SLC25A26: variants seen among roughly 807,000 people sequenced by gnomAD.
SLC25A26 encodes the protein solute carrier family 25 member 26.
In SLC25A26, 36 loss-of-function variants were observed where a neutral mutation model predicts 37.8. The observed-to-expected ratio is 0.95, with a 90% CI of 0.73 to 1.26. SLC25A26 has a LOEUF of 1.26. SLC25A26 is among the 50% of genes most tolerant of loss of function. SLC25A26 has a pLI of 0.00. For missense variants in SLC25A26, 390 were observed against 331.1 expected (o/e 1.18, Z -1.38); for synonymous variants, 129 against 122.5 (o/e 1.05, Z -0.35).
At chr3:66,326,535 A>G (rs569075089) in intron 5 of SLC25A26, among the ~76,000 whole-genome samples, 1 of 152,202 alleles carries the variant, frequency 6.6e-6, no homozygotes, top group Non-Finnish European at 1.5e-5. Context: ...AGAGGCAGTG[A>G]GTGGAATCTC....
intron 5 of SLC25A26, among the ~76,000 whole-genome samples, chr3:66,311,597 T>C (rs1028833416): frequency 3.3e-5 from 5 of 152,242 alleles, no homozygotes; most frequent in African/African-American, 1.2e-4. Context: ...TCAGCCTTTT[T>C]TTGGTGGTTT....
exon 1 of SLC25A26, chr3:66,133,930 C>G (rs146424658): frequency 6.6e-6 from 1 of 152,088 alleles, no homozygotes; most frequent in Non-Finnish European, 1.5e-5. Flanking sequence ...AATGAAAATG[C>G]GTACTACATA....
chr3:66,263,996 C>T (rs936391054), intron 5 of SLC25A26, among the ~76,000 whole-genome samples: 2 of 151,028 alleles, frequency 1.3e-5, no homozygotes, highest in African/African-American at 4.9e-5. Context: ...GAAGTAACTT[C>T]GGGTCAGGCG....
chr3:66,205,934 G>A (rs1292246617), intron 1 of SLC25A26, among the ~76,000 whole-genome samples: 1 of 152,112 alleles, frequency 6.6e-6, no homozygotes, highest in Non-Finnish European at 1.5e-5. Flanking sequence ...AAAAAAGTGA[G>A]GCAGAAAAAG....
At chr3:66,322,372 T>C (rs899561351) in intron 5 of SLC25A26, among the ~76,000 whole-genome samples, 2 of 152,238 alleles carry the variant, frequency 1.3e-5, no homozygotes, top group African/African-American at 4.8e-5. Flanking sequence ...GAGATTCATA[T>C]TTTCTAGTTT....
At chr3:66,242,122 A>G (rs142788808) in intron 2 of SLC25A26, among the ~76,000 whole-genome samples, 10,754 of 152,192 alleles carry the variant, frequency 0.071, 511 homozygotes, top group African/African-American at 0.12. Context: ...AAGAAGCCAT[A>G]AAGTCAGATG....
chr3:66,292,016 G>A (rs1373313372), intron 5 of SLC25A26, among the ~76,000 whole-genome samples: 2 of 138,576 alleles, frequency 1.4e-5, no homozygotes, highest in African/African-American at 3.5e-5. Context: ...AGGATAGTTA[G>A]CTCTTCTTGT....
At chr3:66,230,218 C>G (rs886541697) in intron 1 of SLC25A26, among the ~76,000 whole-genome samples, 1 of 152,120 alleles carries the variant, frequency 6.6e-6, no homozygotes, top group Non-Finnish European at 1.5e-5. Flanking sequence ...TCTGAAGGAT[C>G]TAAACGTCAG....
chr3:66,299,909 A>G lies in SLC25A26; in HGVS notation c.453+36530A>G, dbSNP rs79385248. Among the ~76,000 whole-genome samples the G allele has an allele frequency of 3.0e-3, 463 of 152,290 alleles. 3 individuals carry two copies. The highest frequency in any genetic ancestry group is 0.017 in the East Asian group (89 of 5,180). On this transcript the variant is annotated intron_variant, in intron 5 of 9. Coordinates refer to ENST00000354883, the MANE Select transcript of SLC25A26 (RefSeq NM_001379210.1). ...CATTTTATGGGTGACATATTTGGCT[A>G]TCTCTGGGCAAAAATCCAGTTAAAA... is the stretch of plus-strand genomic sequence containing the variant.
intron 3 of SLC25A26, among the ~76,000 whole-genome samples, chr3:66,244,759 T>G (rs1273162388): frequency 6.6e-6 from 1 of 151,666 alleles, no homozygotes; most frequent in African/African-American, 2.4e-5. Context: ...GATCATGAGG[T>G]CAGGAGATCG....
At chr3:66,187,706 C>A (rs2070856720) in intron 1 of SLC25A26, among the ~76,000 whole-genome samples, 1 of 151,722 alleles carries the variant, frequency 6.6e-6, no homozygotes, top group African/African-American at 2.4e-5. Context: ...TGACCATAAC[C>A]CCTACACTCA....
intron 1 of SLC25A26, among the ~76,000 whole-genome samples, chr3:66,136,504 A>T (rs951463908): frequency 2.0e-5 from 3 of 152,258 alleles, no homozygotes; most frequent in African/African-American, 7.2e-5. Flanking sequence ...TTTCATTTCT[A>T]AAATGGTATT....
chr3:66,300,659 TGA>T (rs1472465152), intron 5 of SLC25A26, among the ~76,000 whole-genome samples: 1 of 152,178 alleles, frequency 6.6e-6, no homozygotes, highest in East Asian at 1.9e-4. Flanking sequence ...CATAGCATTT[TGA>T]GAGAGACTTT....
chr3:66,214,123 G>A (rs1316712178), intron 1 of SLC25A26, among the ~76,000 whole-genome samples: 1 of 152,078 alleles, frequency 6.6e-6, no homozygotes, highest in Admixed American at 6.6e-5. Context: ...CTGGTGGGAG[G>A]TGTTTGGGTC....
intron 5 of SLC25A26, among the ~76,000 whole-genome samples, chr3:66,323,481 T>A (rs2075750810): frequency 6.6e-6 from 1 of 152,152 alleles, no homozygotes; most frequent in Non-Finnish European, 1.5e-5. Context: ...AATGGGAGAC[T>A]GGAGTTTTAT....
intron 1 of SLC25A26, among the ~76,000 whole-genome samples, chr3:66,161,350 A>G (rs1221708588): frequency 2.6e-5 from 4 of 152,146 alleles, no homozygotes; most frequent in Admixed American, 1.3e-4. Context: ...GCAGACTGCT[A>G]CCTTATGTAA....
chr3:66,176,958 A>G (rs931213780), intron 1 of SLC25A26, among the ~76,000 whole-genome samples: 3 of 152,170 alleles, frequency 2.0e-5, no homozygotes, highest in Non-Finnish European at 2.9e-5. Context: ...CCTGATGATA[A>G]ATAACCTTCG....
intron 1 of SLC25A26, among the ~76,000 whole-genome samples, chr3:66,236,295 T>C (rs2072281715): frequency 6.6e-6 from 1 of 151,354 alleles, no homozygotes; most frequent in Non-Finnish European, 1.5e-5. Context: ...TAAAAATTTT[T>C]TTATTAAAAA....
At chr3:66,304,476 T>C (rs1159635711) in intron 5 of SLC25A26, 1 of 456,312 alleles carries the variant, frequency 2.2e-6, no homozygotes, top group South Asian at 1.5e-5. Context: ...GTCAAAGGTG[T>C]GGGGAGGCTT....
Sources: gnomAD v4.1 joint callset for allele counts (sites outside exome capture counted in the v4.1 genomes callset) on GRCh38, gnomAD v4.1.1 for gene constraint, MANE v1.5 for transcripts, NCBI Gene and HGNC (gene_info 2026-07-23, HGNC 2026-07-21) for gene names.